Variants in SLC36A1 observed in about 807,000 individuals in gnomAD.
SLC36A1 encodes the protein proton-coupled amino acid transporter 1.
A neutral mutation model predicts 47.5 loss-of-function variants in SLC36A1; 30 were observed. The ratio of observed to expected loss-of-function variants is 0.63; its 90% CI spans 0.47 to 0.86. SLC36A1 has a LOEUF of 0.86. SLC36A1 is among the 40% of genes least tolerant of loss of function. SLC36A1 has a pLI of 0.00. For synonymous variants in SLC36A1, 255 were observed against 249.7 expected (o/e 1.02, Z -0.20); for missense variants, 517 against 606.0 (o/e 0.85, Z 1.54).
the SLC36A1 span, among the ~76,000 whole-genome samples, chr5:151,420,452 G>A: frequency 1.3e-5 from 2 of 152,120 alleles, no homozygotes; most frequent in African/African-American, 2.4e-5. Flanking sequence ...CCTATGACAC[G>A]CTGCTGCTTC....
chr5:151,465,956 AAAG>A (rs1756300447), intron 5 of SLC36A1, among the ~76,000 whole-genome samples: 1 of 151,624 alleles, frequency 6.6e-6, no homozygotes, highest in Non-Finnish European at 1.5e-5. Flanking sequence ...AAAAAAAAAA[AAAG>A]AACCACATTA....
chr5:151,360,828 G>A, the SLC36A1 span, among the ~76,000 whole-genome samples: 2 of 152,204 alleles, frequency 1.3e-5, no homozygotes, highest in East Asian at 1.9e-4. Flanking sequence ...AGCTGACACC[G>A]GTTGAGAAGC....
chr5:151,393,357 A>G, the SLC36A1 span, among the ~76,000 whole-genome samples: 29 of 152,148 alleles, frequency 1.9e-4, no homozygotes, highest in Admixed American at 1.6e-3. Flanking sequence ...TCTTTATCCA[A>G]TTTGCCAGTC....
the SLC36A1 span, chr5:151,510,315 G>T: frequency 2.1e-6 from 2 of 949,448 alleles, no homozygotes; most frequent in Non-Finnish European, 3.1e-6. Flanking sequence ...CCAATACCGT[G>T]CTGGGCATTG....
At chr5:151,364,098 T>G in the SLC36A1 span, among the ~76,000 whole-genome samples, 19 of 152,244 alleles carry the variant, frequency 1.2e-4, no homozygotes, top group Non-Finnish European at 2.4e-4. Flanking sequence ...CTGTAAGTAC[T>G]TGTGTGTGCT....
At chr5:151,463,426 A>G (rs1056714559) in intron 2 of SLC36A1, 127 bp from the exon 3 acceptor site, 1 of 756,132 alleles carries the variant, frequency 1.3e-6, no homozygotes, top group African/African-American at 1.7e-5. Flanking sequence ...AAACTGCTTC[A>G]TCATCTATAA....
chr5:151,462,051 A>G (rs907268756), intron 2 of SLC36A1, among the ~76,000 whole-genome samples: 1 of 152,092 alleles, frequency 6.6e-6, no homozygotes, highest in Non-Finnish European at 1.5e-5. Flanking sequence ...CTTGAAAATG[A>G]AAGAAATCAG....
At chr5:151,389,781 G>A in the SLC36A1 span, among the ~76,000 whole-genome samples, 1 of 151,842 alleles carries the variant, frequency 6.6e-6, no homozygotes, top group African/African-American at 2.4e-5. Flanking sequence ...GTGTATATGT[G>A]CCACATTTTC....
At chr5:151,428,803 T>C in the SLC36A1 span, among the ~76,000 whole-genome samples, 1 of 152,176 alleles carries the variant, frequency 6.6e-6, no homozygotes, top group African/African-American at 2.4e-5. Flanking sequence ...CAGCTAATTT[T>C]TGTATTTTTA....
intron 7 of SLC36A1, among the ~76,000 whole-genome samples, chr5:151,468,266 A>AAAAAAAT (rs55642458): frequency 3.9e-4 from 25 of 63,816 alleles, no homozygotes; most frequent in African/African-American, 1.1e-3. Flanking sequence ...AAAAAAAAAA[A>AAAAAAAT]ATATATATAT....
intron 8 of SLC36A1, among the ~76,000 whole-genome samples, chr5:151,474,571 ATTTTT>A (rs1054642586): frequency 1.3e-5 from 2 of 152,200 alleles, no homozygotes; most frequent in African/African-American, 4.8e-5. Context: ...TGTTTAATAG[ATTTTT>A]ATTTTATTAA....
chr5:151,347,164 A>G, the SLC36A1 span: 128 of 1,073,154 alleles, frequency 1.2e-4, no homozygotes, highest in Non-Finnish European at 1.5e-4. Context: ...TCAGCCCATG[A>G]CTGCACCTTT....
intron 5 of SLC36A1, among the ~76,000 whole-genome samples, chr5:151,466,243 A>G (rs7730542): frequency 0.26 from 39,040 of 151,972 alleles, 7,281 homozygotes; most frequent in African/African-American, 0.52. Flanking sequence ...ATGCGTGCTC[A>G]TAGTAAAAAC....
the SLC36A1 span, chr5:151,531,939 C>T: frequency 9.9e-6 from 16 of 1,614,106 alleles, no homozygotes; most frequent in Non-Finnish European, 1.0e-5. The surrounding 1 kb of genome is among the most constrained non-coding windows in gnomAD (Gnocchi z 5.7). Context: ...CGGCTGAATC[C>T]GGCAGAGAGT....
chr5:151,394,922 TCAAA>T, the SLC36A1 span, among the ~76,000 whole-genome samples: 2 of 152,176 alleles, frequency 1.3e-5, no homozygotes, highest in African/African-American at 4.8e-5. Context: ...ACTACTCTCT[TCAAA>T]GCTGTCAGAC....
intron 7 of SLC36A1, among the ~76,000 whole-genome samples, chr5:151,469,497 A>G (rs1458417415): frequency 6.6e-6 from 1 of 152,186 alleles, no homozygotes; most frequent in African/African-American, 2.4e-5. Flanking sequence ...CTCAGTGGCT[A>G]TCAGGCCATG....
At chr5:151,533,393 A>AACACAC in the SLC36A1 span, among the ~76,000 whole-genome samples, 888 of 132,164 alleles carry the variant, frequency 6.7e-3, 5 homozygotes, top group East Asian at 0.021. Context: ...TGTTATCTCC[A>AACACAC]ACACACACAC....
intron 9 of SLC36A1, chr5:151,477,476 ATTTCCAGGGGC>A (rs1487227904): frequency 6.6e-6 from 1 of 152,466 alleles, no homozygotes; most frequent in African/African-American, 2.4e-5. Flanking sequence ...AGCACTCAGT[ATTTCCAGGGGC>A]TTTCCCGTTC....
At position 151,473,755 on chromosome 5, in the gene SLC36A1, T is replaced by A; in HGVS notation, c.806T>A (p.Phe269Tyr). ...PLFFGTAIFSFEGIGMVLPLE... is the reference protein window; with the variant it reads ...PLFFGTAIFSYEGIGMVLPLE... ...TTCTTTGGCACAGCGATTTTTTCAT[T>A]TGAAGGCATTGGAATGGTAAGAGCT... Residue 269 changes from phenylalanine (F) to tyrosine (Y), a missense_variant, in exon 8 of 11, where the codon TTT (phenylalanine) becomes TAT (tyrosine). Phe to Tyr is a conservative substitution (Grantham distance 22). Coordinates refer to ENST00000243389, the MANE Select transcript of SLC36A1 (RefSeq NM_078483.4). 1 of 1,613,700 alleles carries A rather than the reference T, an allele frequency of 6.2e-7. No homozygotes were observed. Among genetic ancestry groups the A allele is most frequent in the Non-Finnish European group, 8.5e-7 (1 of 1,179,618 alleles).
Sources: gnomAD v4.1 joint callset for allele counts (sites outside exome capture counted in the v4.1 genomes callset) on GRCh38, gnomAD v4.1.1 for gene constraint, Gnocchi (gnomAD v3.1) non-coding constraint, MANE v1.5 for transcripts, NCBI Gene and HGNC (gene_info 2026-07-23, HGNC 2026-07-21) for gene names.